The following ATXN10 variants were observed in gnomAD, a reference collection of about 807,000 sequenced individuals.
ATXN10 encodes ataxin-10.
In ATXN10, 28 loss-of-function variants were observed where a neutral mutation model predicts 52.9. The observed-to-expected ratio is 0.53, with a 90% CI of 0.39 to 0.73. ATXN10 has a LOEUF of 0.73. Among genes scored for constraint, ATXN10 ranks in the 30% least tolerant of loss-of-function variants. The pLI, the probability that ATXN10 is intolerant of heterozygous loss-of-function variation, is 0.00. For synonymous variants in ATXN10, 226 were observed against 221.5 expected (o/e 1.02, Z -0.18); for missense variants, 565 against 577.0 (o/e 0.98, Z 0.21).
chr22:45,800,357 A>G (rs958437238), intron 9 of ATXN10, among the ~76,000 whole-genome samples: 2 of 152,228 alleles, frequency 1.3e-5, no homozygotes, highest in African/African-American at 4.8e-5. Context: ...GAAATGTCCC[A>G]TAAGTACCTG....
At position 45,769,643 on chromosome 22, in the gene ATXN10, C is replaced by G. The variant is rs1278786125; in HGVS notation, c.1173+29105C>G. On this transcript the variant is annotated intron_variant, in intron 9 of 11. Coordinates refer to ENST00000252934, the MANE Select transcript of ATXN10 (RefSeq NM_013236.4). This position sits in a 1 kb window ranked among gnomAD's most constrained non-coding sequence, Gnocchi z 4.2. ...GAAGCTAGAGAGAATCTCAAATAGA[C>G]TTGGTCAAGAAAAGAAGACCAAGGC... Among the ~76,000 whole-genome samples, 1 of 152,170 alleles carries G rather than the reference C, an allele frequency of 6.6e-6. No homozygotes were observed. The highest frequency in any genetic ancestry group is 2.4e-5 in the African/African-American group (1 of 41,436).
rs1924252836 is a variant in ATXN10 at position 45,711,580 on chromosome 22, CACAT to C, written c.648-6830_648-6827del. Among the ~76,000 whole-genome samples the C allele has an allele frequency of 3.3e-5, 5 of 152,252 alleles. No individual in the cohort carries two copies. In the South Asian group the frequency reaches 1.0e-3, roughly 32 times the overall value. On this transcript the variant is annotated intron_variant, in intron 5 of 11. Transcript: ENST00000252934. ...GTGTCACTGTCAGCATCTGGGTTGT[CACAT>C]ACTATAGTTTTACAGATGTTACCAT...
intron 10 of ATXN10, among the ~76,000 whole-genome samples, chr22:45,814,119 TCA>T (rs1335784587): frequency 6.6e-6 from 1 of 152,226 alleles, no homozygotes; most frequent in Non-Finnish European, 1.5e-5. Flanking sequence ...TCTAGAAGAA[TCA>T]CAGATGACTT....
intron 5 of ATXN10, among the ~76,000 whole-genome samples, chr22:45,703,206 G>T (rs748559420): frequency 2.6e-5 from 4 of 152,128 alleles, no homozygotes; most frequent in Non-Finnish European, 4.4e-5. Context: ...AGGTTGGTGC[G>T]AGCCTTGTAA....
At chr22:45,785,755 C>T (rs1447916006) in intron 9 of ATXN10, among the ~76,000 whole-genome samples, 1 of 152,214 alleles carries the variant, frequency 6.6e-6, no homozygotes, top group Non-Finnish European at 1.5e-5. Flanking sequence ...TCTGAGGAAG[C>T]CGCGAGGCTG....
At chr22:45,788,058 CTTTGCTGTCTCCA>C (rs1338131068) in intron 9 of ATXN10, among the ~76,000 whole-genome samples, 7 of 152,116 alleles carry the variant, frequency 4.6e-5, no homozygotes, top group African/African-American at 1.7e-4. Flanking sequence ...GTCCTGAGCC[CTTTGCTGTCTCCA>C]TCTACCCGCT....
chr22:45,702,988 A>C, intron 5 of ATXN10, 141 bp downstream of exon 5: 1 of 1,066,350 alleles, frequency 9.4e-7, no homozygotes, highest in Non-Finnish European at 1.4e-6. Flanking sequence ...GAATTAGAGA[A>C]GATTTTGAGC....
intron 1 of ATXN10, 155 bp downstream of exon 1, chr22:45,672,334 ACTCCCAGGCACCGC>A (rs1922490853): frequency 1.2e-6 from 1 of 803,754 alleles, no homozygotes; most frequent in African/African-American, 1.8e-5. Context: ...AGGCCTCCCG[ACTCCCAGGCACCGC>A]CTCGTGCTCG....
chr22:45,825,557 A>G lies in ATXN10; in HGVS notation c.1238-17434A>G, dbSNP rs561423230. Among the ~76,000 whole-genome samples the G allele has an allele frequency of 6.6e-6, 1 of 152,228 alleles. No individual in the cohort carries two copies. The highest frequency in any genetic ancestry group is 6.5e-5 in the Admixed American group (1 of 15,292). On this transcript the variant is annotated intron_variant, in intron 10 of 11. Coordinates refer to ENST00000252934, the MANE Select transcript of ATXN10 (RefSeq NM_013236.4). This position sits in a 1 kb window ranked among gnomAD's most constrained non-coding sequence, Gnocchi z 4.5. ...ATGAACAGTAACAAAAGTAGCAAAC[A>G]CTTTGTCTTAGAATCTGAATTCTAG...
In ATXN10 at chr22:45,759,488, G is replaced by A. The variant is rs1926300286; in HGVS notation, c.1173+18950G>A. On this transcript the variant is annotated intron_variant, in intron 9 of 11. Transcript: ENST00000252934. The surrounding 1 kb of genome is among the most constrained non-coding windows in gnomAD (Gnocchi z 5.4). ...GATAGCATCACTGCACTCCAGCCTG[G>A]GCAGAGCAAGACTCCGTGTCAAACA... is the stretch of plus-strand genomic sequence containing the variant. 6.6e-6 allele frequency among the ~76,000 whole-genome samples: 1 copy of A among 152,154 alleles called. No individual in the cohort carries two copies. Among genetic ancestry groups the A allele is most frequent in the Admixed American group, 6.5e-5 (1 of 15,272 alleles).
chr22:45,804,533 A>T (rs1182348882), intron 9 of ATXN10, among the ~76,000 whole-genome samples: 1 of 152,232 alleles, frequency 6.6e-6, no homozygotes, highest in African/African-American at 2.4e-5. Flanking sequence ...TCAGCGGGAC[A>T]TGGCGTTTGG....
rs73889632 is a variant in ATXN10, at chr22:45,823,441, T to C, written c.1237+16419T>C. Reference sequence around the variant, plus strand: ...AGTAGGGATTCTGTCTTTTTTTAATTTCCCCTGCGATTATGCAGTTGTTTC... The same window carrying C: ...AGTAGGGATTCTGTCTTTTTTTAATCTCCCCTGCGATTATGCAGTTGTTTC... On this transcript the variant is annotated intron_variant, in intron 10 of 11. Coordinates refer to ENST00000252934, the MANE Select transcript of ATXN10 (RefSeq NM_013236.4). This position sits in a 1 kb window ranked among gnomAD's most constrained non-coding sequence, Gnocchi z 4.9. Among the ~76,000 whole-genome samples the C allele has an allele frequency of 0.025, 3,740 of 152,264 alleles. 106 individuals carry two copies. The highest frequency in any genetic ancestry group is 0.065 in the African/African-American group (2,712 of 41,512).
rs917094470 is a variant in ATXN10, at chr22:45,784,633, C to T, written c.1174-22326C>T. On this transcript the variant is annotated intron_variant, in intron 9 of 11. Coordinates refer to ENST00000252934, the MANE Select transcript of ATXN10 (RefSeq NM_013236.4). The surrounding 1 kb of genome is among the most constrained non-coding windows in gnomAD (Gnocchi z 4.2). ...GCTGGCTTCCTGTGGGCTCGCCTGT[C>T]GACCCCCTCCCTGTGCCCAGAGGAC... 3.9e-5 allele frequency among the ~76,000 whole-genome samples: 6 copies of T among 152,060 alleles called. No homozygotes were observed. Among genetic ancestry groups the T allele is most frequent in the Non-Finnish European group, 7.4e-5 (5 of 68,004 alleles).
rs569167677 is a variant in ATXN10, at chr22:45,788,811, A to G, written c.1174-18148A>G. On this transcript the variant is annotated intron_variant, in intron 9 of 11. Transcript: ENST00000252934. The stretch of plus-strand genomic sequence containing the variant: ...GACTACAGGCTCACACACCACACCC[A>G]GCTAATTTTTAATTTTTTGTAGAGA... 2.0e-5 allele frequency among the ~76,000 whole-genome samples: 3 copies of G among 151,908 alleles called. No homozygotes were observed. The South Asian group carries it at 6.3e-4, about 32-fold the overall frequency.
Position 45,770,580 on chromosome 22 carries a change from G to C in ATXN10, c.1173+30042G>C, listed in dbSNP as rs1926743220. ...GGATGATAGGCAGACCTGGACTCTG[G>C]AGTCCTCCCAGAATGGACCAGACCT... On this transcript the variant is annotated intron_variant, in intron 9 of 11. Coordinates refer to ENST00000252934, the MANE Select transcript of ATXN10 (RefSeq NM_013236.4). This position sits in a 1 kb window ranked among gnomAD's most constrained non-coding sequence, Gnocchi z 4.5. Among the ~76,000 whole-genome samples, 1 of 126,350 alleles carries C rather than the reference G, an allele frequency of 7.9e-6. No individual in the cohort carries two copies. Among genetic ancestry groups the C allele is most frequent in the African/African-American group, 2.6e-5 (1 of 38,898 alleles). 82.9% of individuals were successfully genotyped at this position (126,350 alleles called of 152,430 possible). A position where few individuals can be genotyped will look rare whatever the true frequency, so the allele number is the denominator to read the frequency against.
intron 9 of ATXN10, among the ~76,000 whole-genome samples, chr22:45,796,007 T>G (rs1927724158): frequency 6.6e-6 from 1 of 152,226 alleles, no homozygotes; most frequent in African/African-American, 2.4e-5. Flanking sequence ...GAGATAACCA[T>G]AAGGCCTGAC....
Position 45,708,607 on chromosome 22 carries a change from G to A in ATXN10, c.647+5760G>A, listed in dbSNP as rs1034367172. Among the ~76,000 whole-genome samples the A allele has an allele frequency of 1.1e-4, 16 of 152,234 alleles. No homozygotes were observed. The highest frequency in any genetic ancestry group is 3.4e-3 in the Middle Eastern group (1 of 294). ...AGGAGGTCTGCATTTCAAAGGTGAG[G>A]CATGAACTCTTTTCAGTTTTAGCCT... On this transcript the variant is annotated intron_variant, in intron 5 of 11. Transcript: ENST00000252934. The surrounding 1 kb of genome is among the most constrained non-coding windows in gnomAD (Gnocchi z 5.3).
chr22:45,792,765 G>T, intron 9 of ATXN10: 1 of 473,164 alleles, frequency 2.1e-6, no homozygotes, highest in South Asian at 1.7e-5. Flanking sequence ...CTCTTCTTTT[G>T]AAATCGTCAA....
At chr22:45,746,163 A>G (rs1310254616) in intron 9 of ATXN10, among the ~76,000 whole-genome samples, 1 of 151,916 alleles carries the variant, frequency 6.6e-6, no homozygotes, top group Non-Finnish European at 1.5e-5. Context: ...CGGTTTTTTC[A>G]TTAATCTTAA....
Sources: allele counts gnomAD v4.1 joint callset (sites outside exome capture counted in the v4.1 genomes callset), GRCh38; gene constraint gnomAD v4.1.1; non-coding constraint Gnocchi (gnomAD v3.1); transcripts MANE v1.5; gene names NCBI Gene and HGNC (gene_info 2026-07-23, HGNC 2026-07-21).